KLRF2: variants seen among roughly 807,000 people sequenced by gnomAD.
KLRF2 encodes killer cell lectin-like receptor subfamily F member 2.
A neutral mutation model predicts 25.3 loss-of-function variants in KLRF2; 28 were observed. The ratio of observed to expected loss-of-function variants is 1.11; its 90% CI spans 0.82 to 1.52. The LOEUF is 1.52. Among genes scored for constraint, KLRF2 ranks in the 40% most tolerant of loss-of-function variants. The pLI, the probability that KLRF2 is intolerant of heterozygous loss-of-function variation, is 0.00. For synonymous variants in KLRF2, 73 were observed against 85.0 expected, an observed-to-expected ratio of 0.86 and a Z score of 0.78; for missense variants, 265 against 245.8, an observed-to-expected ratio of 1.08 and a Z score of -0.52.
chr12:9,884,967 T>C lies in KLRF2; in HGVS notation c.104T>C (p.Leu35Pro). The C allele has an allele frequency of 7.5e-7, 1 of 1,328,738 alleles. No individual in the cohort carries two copies. The highest frequency in any genetic ancestry group is 9.7e-7 in the Non-Finnish European group (1 of 1,028,812). 82.3% of individuals were successfully genotyped at this position (1,328,738 alleles called of 1,614,324 possible). The change falls in exon 2 of 6, where the codon CTG (leucine) becomes CCG (proline). Residue 35 changes from leucine to proline, a missense_variant. Coordinates refer to ENST00000535540, the MANE Select transcript of KLRF2 (RefSeq NM_001190765.1). ...CTATATCCACAATATTATTGTCTTC[T>C]GCTCATATTTGGATGCATTGTGATC... ...FSLYPQYYCL[L>P]LIFGCIVILI...
rs1868095297 is a variant in KLRF2 at position 9,881,567 on chromosome 12, G to A, written c.-29G>A. On this transcript the variant is annotated 5_prime_UTR_variant, in exon 1 of 6. Coordinates refer to ENST00000535540, the MANE Select transcript of KLRF2 (RefSeq NM_001190765.1). ...TTCCATTTTCTTTGTACTATTTTCT[G>A]GATAATAAGACATTAGACATTTGAA... is the stretch of plus-strand genomic sequence containing the variant. The A allele has an allele frequency of 6.9e-7, 1 of 1,439,864 alleles. No individual in the cohort carries two copies. Among genetic ancestry groups the A allele is most frequent in the Non-Finnish European group, 9.4e-7 (1 of 1,060,394 alleles). The allele number at this position is 1,439,864 out of a possible 1,614,324, so 89.2% of individuals were successfully genotyped here.
At chr12:9,892,580 C>CTTT (rs66824753) in intron 3 of KLRF2, among the ~76,000 whole-genome samples, 204 of 104,798 alleles carry the variant, frequency 1.9e-3, no homozygotes, top group Non-Finnish European at 2.7e-3. Flanking sequence ...TACAGAACTG[C>CTTT]TTTTTTTTTT....
chr12:9,889,615 A>G (rs1862648726), intron 3 of KLRF2, among the ~76,000 whole-genome samples: 1 of 151,716 alleles, frequency 6.6e-6, no homozygotes, highest in South Asian at 2.1e-4. Flanking sequence ...ATGAGACAAT[A>G]CCTTAAATCT....
In KLRF2 at chr12:9,895,791, G is replaced by C; in HGVS notation, c.582G>C (p.Gln194His). 1 of 1,535,558 alleles carries C rather than the reference G, an allele frequency of 6.5e-7. No individual in the cohort carries two copies. Among genetic ancestry groups the C allele is most frequent in the Non-Finnish European group, 8.7e-7 (1 of 1,146,678 alleles). The change falls in exon 6 of 6, where the codon CAG becomes CAC. Residue 194 changes from glutamine (Q) to histidine (H), a missense_variant. Gln to His is a conservative substitution (Grantham distance 24, BLOSUM62 0). Transcript: ENST00000535540. The part of the protein sequence containing the change: ...DCSSTFKGIC[Q>H]RDAILTHNGT... ...GCTCCACATTTAAGGGCATTTGCCA[G>C]AGAGATGCGATCTTGACGCACAATG...
At chr12:9,885,346 T>C (rs2136995197) in intron 2 of KLRF2, among the ~76,000 whole-genome samples, 1 of 151,712 alleles carries the variant, frequency 6.6e-6, no homozygotes, top group East Asian at 1.9e-4. Flanking sequence ...TATATATATA[T>C]ATATTAAGAC....
chr12:9,883,986 G>T (rs1008577888), intron 1 of KLRF2, among the ~76,000 whole-genome samples: 1 of 152,128 alleles, frequency 6.6e-6, no homozygotes, highest in African/African-American at 2.4e-5. Context: ...AATTATCAGA[G>T]TATCTCAAAT....
At chr12:9,883,537 T>A (rs1868117218) in intron 1 of KLRF2, among the ~76,000 whole-genome samples, 1 of 152,172 alleles carries the variant, frequency 6.6e-6, no homozygotes, top group African/African-American at 2.4e-5. Flanking sequence ...GTTTAAAGTC[T>A]CCCTCCCTGG....
chr12:9,884,335 T>C (rs930168153), intron 1 of KLRF2, among the ~76,000 whole-genome samples: 2 of 151,954 alleles, frequency 1.3e-5, no homozygotes, highest in Non-Finnish European at 2.9e-5. Context: ...AAGCTGAAAC[T>C]GACTCCTGTC....
chr12:9,890,319 C>T (rs1204911023), intron 3 of KLRF2, among the ~76,000 whole-genome samples: 3 of 152,128 alleles, frequency 2.0e-5, no homozygotes, highest in South Asian at 2.1e-4. Flanking sequence ...AGTCAGGGCA[C>T]GTTTAATTAA....
rs755840727 is a variant in KLRF2, at chr12:9,888,735, A to G, written c.172A>G (p.Lys58Glu). Residue 58 changes from lysine (K) to glutamate (E), a missense_variant and splice_region_variant, in exon 3 of 6, where the codon AAA (lysine) becomes GAA (glutamate). Lys to Glu is a moderately conservative substitution (Grantham distance 56). Coordinates refer to ENST00000535540, the MANE Select transcript of KLRF2 (RefSeq NM_001190765.1). ...TCTTTTCTTTGCACTGAGTACAGATAAAAAAATGGATTTCTCCCAGAATGT... is the reference window on the plus strand; with the variant it reads ...TCTTTTCTTTGCACTGAGTACAGATGAAAAAATGGATTTCTCCCAGAATGT... ...MTGIDLKFWH[K>E]KMDFSQNVNV... 3.4e-6 allele frequency: 5 copies of G among 1,487,020 alleles called. No individual in the cohort carries two copies. The South Asian group carries it at 6.0e-5, about 18-fold the overall frequency. 92.1% of individuals were successfully genotyped at this position (1,487,020 alleles called of 1,614,324 possible).
chr12:9,889,285 AT>A (rs2137000126), intron 3 of KLRF2, among the ~76,000 whole-genome samples: 1 of 152,330 alleles, frequency 6.6e-6, no homozygotes, highest in South Asian at 2.1e-4. Flanking sequence ...GTGATGATTA[AT>A]TTTCTGTGTC....
intron 3 of KLRF2, among the ~76,000 whole-genome samples, chr12:9,890,149 T>C (rs961021292): frequency 6.6e-6 from 1 of 152,198 alleles, no homozygotes; most frequent in African/African-American, 2.4e-5. Flanking sequence ...ATTTAAATAC[T>C]TCAATATGTG....
At chr12:9,893,361 T>C in intron 4 of KLRF2, 68 bp from the exon 5 acceptor site, 1 of 846,724 alleles carries the variant, frequency 1.2e-6, no homozygotes, top group Non-Finnish European at 1.8e-6. Flanking sequence ...GCACAGAGAC[T>C]TACACTATAG....
At chr12:9,883,430 T>TTCA (rs1420103711) in intron 1 of KLRF2, among the ~76,000 whole-genome samples, 1 of 152,224 alleles carries the variant, frequency 6.6e-6, no homozygotes, top group Non-Finnish European at 1.5e-5. Context: ...CAGCTCTCTG[T>TTCA]TCACCTGGCT....
At chr12:9,889,892 C>T (rs1227656545) in intron 3 of KLRF2, among the ~76,000 whole-genome samples, 1 of 151,958 alleles carries the variant, frequency 6.6e-6, no homozygotes, top group Non-Finnish European at 1.5e-5. Context: ...TCAATTTCTT[C>T]ATCTGTAAAT....
chr12:9,892,903 C>CAAAAA (rs35351866), intron 3 of KLRF2, 117 bp from the exon 4 acceptor site: 7 of 775,724 alleles, frequency 9.0e-6, no homozygotes, highest in African/African-American at 1.8e-5. Flanking sequence ...TTTTATTGAC[C>CAAAAA]AAAAAAAAAA....
Position 9,895,720 on chromosome 12 carries a change from A to G in KLRF2, c.511A>G (p.Ser171Gly). ...AGTGATTGGACCAACTGATGACAGG[A>G]GCTGTGCCGTTATCACAGGAAACTG... ...FSVIGPTDDRSCAVITGNWVY... is the reference protein window; with the variant it reads ...FSVIGPTDDRGCAVITGNWVY... Residue 171 changes from serine (S) to glycine (G), a missense_variant, in exon 6 of 6, where the codon AGC becomes GGC. Transcript: ENST00000535540. 4 of 1,535,346 alleles carry G rather than the reference A, an allele frequency of 2.6e-6. No individual in the cohort carries two copies. The highest frequency in any genetic ancestry group is 3.5e-6 in the Non-Finnish European group (4 of 1,146,606).
intron 2 of KLRF2, among the ~76,000 whole-genome samples, chr12:9,888,135 A>G (rs1002702228): frequency 1.3e-5 from 2 of 151,274 alleles, no homozygotes; most frequent in African/African-American, 4.9e-5. Context: ...TAAAAAGTCC[A>G]GTGAAAAAAA....
At chr12:9,881,902 T>C (rs1385103847) in intron 1 of KLRF2, among the ~76,000 whole-genome samples, 1 of 152,178 alleles carries the variant, frequency 6.6e-6, no homozygotes, top group Non-Finnish European at 1.5e-5. Context: ...CTGTGTGTTG[T>C]AGCATAAGAA....
Sources: gnomAD v4.1 joint callset for allele counts (sites outside exome capture counted in the v4.1 genomes callset) on GRCh38, gnomAD v4.1.1 for gene constraint, MANE v1.5 for transcripts, NCBI Gene and HGNC (gene_info 2026-07-23, HGNC 2026-07-21) for gene names.